Variants in DNAI4 observed in about 807,000 individuals in gnomAD.
The protein encoded by DNAI4 is WD repeat domain 78.
DNAI4 carries 85 observed loss-of-function variants against 105.8 expected under a neutral mutation model. The observed-to-expected ratio is 0.80, with a 90% CI of 0.67 to 0.96. DNAI4 has a LOEUF of 0.96. Ranked by LOEUF, DNAI4 falls within the 40% of genes least tolerant of loss-of-function variation. The pLI, the probability that DNAI4 is intolerant of heterozygous loss-of-function variation, is 0.00. For synonymous variants in DNAI4, 352 were observed against 331.5 expected (o/e 1.06, Z -0.67); for missense variants, 1,014 against 1,005.6 (o/e 1.01, Z -0.11).
At position 66,871,417 on chromosome 1, in the gene DNAI4, G is replaced by A. The variant is rs758320588; in HGVS notation, c.893C>T (p.Pro298Leu). 2.5e-6 allele frequency: 4 copies of A among 1,611,210 alleles called. No homozygotes were observed. Among genetic ancestry groups the A allele is most frequent in the African/African-American group, 1.3e-5 (1 of 74,888 alleles). The stretch of plus-strand genomic sequence containing the variant: ...ATCACATTGAACATCTTTATTCTTT[G>A]GTGCTCCATTGAAAGTCTGCATCAT... ...ERMMQTFNGA[P>L]KNKDVQCDKI... is the part of the protein sequence containing the mutation. Residue 298 changes from proline to leucine, a missense_variant, in exon 6 of 17, where the codon CCA becomes CTA. Pro to Leu is a moderately conservative substitution (Grantham distance 98). Coordinates refer to ENST00000371026, the MANE Select transcript of DNAI4 (RefSeq NM_024763.5).
Position 66,834,126 on chromosome 1 carries a change from C to T in DNAI4, c.1756G>A (p.Gly586Arg). 3 of 1,603,378 alleles carry T rather than the reference C, an allele frequency of 1.9e-6. No individual in the cohort carries two copies. The highest frequency in any genetic ancestry group is 2.5e-6 in the Non-Finnish European group (3 of 1,176,878). The change falls in exon 12 of 17, where the codon GGA (glycine) becomes AGA (arginine). Residue 586 changes from glycine to arginine, a missense_variant. By Grantham distance (125) the Gly-to-Arg change is moderately radical. Transcript: ENST00000371026. ...ATCCACTGTAGTTGCCATACAGGTC[C>T]CAAATGTTTTTGAGGTGATTCACTA... ...DSSESPQKHL[G>R]PVWQLQWIEQ...
At chr1:66,912,241 G>C (rs1410945129) in intron 1 of DNAI4, among the ~76,000 whole-genome samples, 3 of 152,010 alleles carry the variant, frequency 2.0e-5, no homozygotes, top group African/African-American at 7.3e-5. Context: ...CAGCACTTTG[G>C]GAACAGATTA....
chr1:66,900,924 G>A (rs1648766738), intron 2 of DNAI4, among the ~76,000 whole-genome samples: 1 of 152,134 alleles, frequency 6.6e-6, no homozygotes. Flanking sequence ...GAACCTCCAT[G>A]ATAATGTTGA....
chr1:66,825,604 A>G (rs544353937), intron 15 of DNAI4, among the ~76,000 whole-genome samples: 26 of 152,374 alleles, frequency 1.7e-4, no homozygotes, highest in African/African-American at 6.3e-4. Context: ...AGTGTCCTCA[A>G]AAGAAGACAA....
intron 13 of DNAI4, 85 bp downstream of exon 13, chr1:66,833,500 A>G: frequency 7.5e-6 from 11 of 1,457,928 alleles, no homozygotes; most frequent in Non-Finnish European, 1.0e-5. Flanking sequence ...TAACAGGCTA[A>G]TATTTGGTCT....
intron 16 of DNAI4, among the ~76,000 whole-genome samples, chr1:66,819,617 T>C (rs567754952): frequency 6.6e-6 from 1 of 152,268 alleles, no homozygotes; most frequent in African/African-American, 2.4e-5. Flanking sequence ...AAAATAAGTG[T>C]ACGAAATACT....
intron 14 of DNAI4, 108 bp from the exon 15 acceptor site, chr1:66,827,154 T>A: frequency 1.1e-6 from 1 of 908,784 alleles, no homozygotes; most frequent in Non-Finnish European, 1.6e-6. Flanking sequence ...ACACTATTCA[T>A]TATTGTGTGG....
intron 1 of DNAI4, among the ~76,000 whole-genome samples, chr1:66,924,231 C>T (rs1650908026): frequency 6.6e-6 from 1 of 152,252 alleles, no homozygotes; most frequent in South Asian, 2.1e-4. Flanking sequence ...AGTGCAACGG[C>T]ACGATCTCGG....
At chr1:66,889,608 T>C (rs928925917) in intron 4 of DNAI4, among the ~76,000 whole-genome samples, 1 of 152,128 alleles carries the variant, frequency 6.6e-6, no homozygotes, top group African/African-American at 2.4e-5. Flanking sequence ...GAAAGAAAAG[T>C]CCATAAAGCA....
At chr1:66,906,706 T>C (rs1393844185) in intron 1 of DNAI4, among the ~76,000 whole-genome samples, 1 of 152,152 alleles carries the variant, frequency 6.6e-6, no homozygotes, top group Non-Finnish European at 1.5e-5. Flanking sequence ...TGTGCACTAT[T>C]TCAAATTTAC....
At chr1:66,919,827 A>C (rs748613639) in intron 1 of DNAI4, among the ~76,000 whole-genome samples, 1 of 152,322 alleles carries the variant, frequency 6.6e-6, no homozygotes, top group African/African-American at 2.4e-5. Flanking sequence ...CACCCCAAAG[A>C]AAAAATGTAC....
In DNAI4 at chr1:66,839,202, C is replaced by T. The variant is rs181492481; in HGVS notation, c.1494+1267G>A. ...ATCCCAGCACTTTGGGAGGCCAAGGCGGGAGGATCACTAGAAACCAGGAGT... is the reference window on the plus strand; with the variant it reads ...ATCCCAGCACTTTGGGAGGCCAAGGTGGGAGGATCACTAGAAACCAGGAGT... On this transcript the variant is annotated intron_variant, in intron 9 of 16. Transcript: ENST00000371026. 1.4e-3 allele frequency among the ~76,000 whole-genome samples: 210 copies of T among 152,132 alleles called. 1 individual carries two copies. The highest frequency in any genetic ancestry group is 7.9e-3 in the Admixed American group (120 of 15,270).
chr1:66,875,173 T>C (rs1240759299), intron 4 of DNAI4, among the ~76,000 whole-genome samples: 8 of 152,114 alleles, frequency 5.3e-5, no homozygotes, highest in Non-Finnish European at 1.2e-4. Flanking sequence ...CTAATACCAA[T>C]AGTCATAACT....
intron 2 of DNAI4, among the ~76,000 whole-genome samples, chr1:66,897,863 G>A (rs1284062681): frequency 6.6e-6 from 1 of 152,134 alleles, no homozygotes; most frequent in Non-Finnish European, 1.5e-5. Flanking sequence ...TTTATCACAG[G>A]GGCAAAACCA....
chr1:66,828,494 T>C (rs766955792), intron 13 of DNAI4: 2 of 152,200 alleles, frequency 1.3e-5, no homozygotes, highest in Non-Finnish European at 1.5e-5. Context: ...TGTAAAATTA[T>C]ATCACCTGTT....
At chr1:66,835,262 C>T (rs765566145) in intron 11 of DNAI4, among the ~76,000 whole-genome samples, 1 of 151,882 alleles carries the variant, frequency 6.6e-6, no homozygotes, top group Non-Finnish European at 1.5e-5. Context: ...TACATATATA[C>T]ACATAAATAA....
At chr1:66,867,344 G>C (rs957528585) in intron 6 of DNAI4, among the ~76,000 whole-genome samples, 1 of 152,136 alleles carries the variant, frequency 6.6e-6, no homozygotes, top group Non-Finnish European at 1.5e-5. Flanking sequence ...TGACTTTCAA[G>C]TCTGAGAGGT....
At chr1:66,858,976 G>GA (rs1430218765) in intron 7 of DNAI4, among the ~76,000 whole-genome samples, 4 of 151,430 alleles carry the variant, frequency 2.6e-5, no homozygotes, top group Non-Finnish European at 4.4e-5. Flanking sequence ...ATGTAAAAAA[G>GA]AAAAAAATTG....
chr1:66,883,352 A>C (rs1569751770), intron 4 of DNAI4, among the ~76,000 whole-genome samples: 1 of 152,144 alleles, frequency 6.6e-6, no homozygotes, highest in Non-Finnish European at 1.5e-5. Context: ...ATCTGGGCTC[A>C]CTGAAACCTC....
Sources: gnomAD v4.1 joint callset for allele counts (sites outside exome capture counted in the v4.1 genomes callset) on GRCh38, gnomAD v4.1.1 for gene constraint, MANE v1.5 for transcripts, NCBI Gene and HGNC (gene_info 2026-07-23, HGNC 2026-07-21) for gene names.